PLXDC1: variants seen among roughly 807,000 people sequenced by gnomAD.
PLXDC1 encodes the protein plexin domain-containing protein 1.
In PLXDC1, 39 loss-of-function variants were observed where a neutral mutation model predicts 61.3. That is an observed-to-expected ratio of 0.64 (90% confidence interval 0.49 to 0.83). The LOEUF (loss-of-function observed/expected upper bound fraction) is 0.83. Among genes scored for constraint, PLXDC1 ranks in the 40% least tolerant of loss-of-function variants. The pLI is 0.00. For synonymous variants in PLXDC1, 212 were observed against 254.5 expected, an observed-to-expected ratio of 0.83 and a Z score of 1.59; for missense variants, 596 against 666.5, an observed-to-expected ratio of 0.89 and a Z score of 1.17.
intron 6 of PLXDC1, 78 bp downstream of exon 6, chr17:39,107,329 C>T: frequency 1.2e-6 from 1 of 854,302 alleles, no homozygotes; most frequent in Non-Finnish European, 1.9e-6. Flanking sequence ...ATGCCTGGCA[C>T]ATTGCAAATT....
chr17:39,129,688 A>AAAAGAAAGAAAGAAAGAAGGAAAG (rs1597656686), intron 2 of PLXDC1, among the ~76,000 whole-genome samples: 14 of 65,064 alleles, frequency 2.2e-4, no homozygotes, highest in South Asian at 5.6e-4. Context: ...AGGGAGAAAG[A>AAAAGAAAGAAAGAAAGAAGGAAAG]AAAGAAAGAA....
At chr17:39,134,372 T>C (rs1470585265) in intron 2 of PLXDC1, among the ~76,000 whole-genome samples, 1 of 151,564 alleles carries the variant, frequency 6.6e-6, no homozygotes, top group Non-Finnish European at 1.5e-5. Flanking sequence ...ACGTCTGTAA[T>C]CCTAGCACTT....
intron 2 of PLXDC1, among the ~76,000 whole-genome samples, chr17:39,128,641 G>C (rs535149051): frequency 6.6e-6 from 1 of 152,156 alleles, no homozygotes; most frequent in African/African-American, 2.4e-5. Context: ...CAGTCTGGCA[G>C]TTCCTCAAAA....
chr17:39,072,233 T>G, intron 12 of PLXDC1: 51 of 581,574 alleles, frequency 8.8e-5, no homozygotes, highest in East Asian at 2.3e-4. Context: ...AGGGCTGAGA[T>G]GAGAAATGTC....
At chr17:39,120,452 G>A (rs916338151) in intron 2 of PLXDC1, among the ~76,000 whole-genome samples, 7 of 152,072 alleles carry the variant, frequency 4.6e-5, no homozygotes, top group African/African-American at 1.2e-4. Context: ...CATATCACAT[G>A]ACATATCAGA....
In PLXDC1 at chr17:39,079,665, G is replaced by A. The variant is rs1245623749; in HGVS notation, c.990-501C>T. ...AGACAACTGGCTGACAAGGGTCTCC[G>A]GAGAGGGCATTGGACAGCTCAGCTG... On this transcript the variant is annotated intron_variant, in intron 9 of 13. Transcript: ENST00000315392. 82 of 422,144 alleles carry A rather than the reference G, an allele frequency of 1.9e-4. 2 individuals carry two copies. The highest frequency in any genetic ancestry group is 1.4e-3 in the South Asian group (79 of 57,074). The allele number at this position is 422,144 out of a possible 1,614,324, so 26.1% of individuals were successfully genotyped here.
chr17:39,137,426 C>T (rs533878444), intron 2 of PLXDC1: 13 of 152,212 alleles, frequency 8.5e-5, no homozygotes, highest in African/African-American at 3.1e-4. Context: ...CATAGTGGCA[C>T]ACACCTGTAA....
chr17:39,146,948 A>ATTTTTTTTTTTTTTTTTTTTTTTTT (rs869300584), intron 1 of PLXDC1, among the ~76,000 whole-genome samples: 1 of 74,686 alleles, frequency 1.3e-5, no homozygotes, highest in African/African-American at 5.2e-5. Context: ...ACAGGAAATG[A>ATTTTTTTTTTTTTTTTTTTTTTTTT]TTTTTTTTTT....
chr17:39,127,921 G>C (rs1265219562), intron 2 of PLXDC1, among the ~76,000 whole-genome samples: 4 of 122,746 alleles, frequency 3.3e-5, no homozygotes, highest in Non-Finnish European at 4.8e-5. Flanking sequence ...CAGCCTGGGT[G>C]ACAGGGTGAG....
Position 39,103,053 on chromosome 17 carries a change from A to G in PLXDC1, c.811+2801T>C, listed in dbSNP as rs7220665. ...AACATGGTGAAACCCCATCTCTACTAAAAATACAAAAATTAGCCAGGCGTG... is the reference window on the plus strand; with the variant it reads ...AACATGGTGAAACCCCATCTCTACTGAAAATACAAAAATTAGCCAGGCGTG... On this transcript the variant is annotated intron_variant, in intron 7 of 13. Transcript: ENST00000315392. 1.2e-3 allele frequency among the ~76,000 whole-genome samples: 190 copies of G among 152,254 alleles called. 2 individuals carry two copies. Among genetic ancestry groups the G allele is most frequent in the African/African-American group, 4.5e-3 (186 of 41,546 alleles).
At chr17:39,105,175 A>T (rs1910550664) in intron 7 of PLXDC1, among the ~76,000 whole-genome samples, 1 of 152,164 alleles carries the variant, frequency 6.6e-6, no homozygotes. Flanking sequence ...TCAGCAGAAG[A>T]GGTCAGGTTA....
chr17:39,128,106 T>TATATATATATATATATATAC lies in PLXDC1; in HGVS notation c.255+11547_255+11548insGTATATATATATATATATAT, dbSNP rs1567769551. Among the ~76,000 whole-genome samples the TATATATATATATATATATAC allele has an allele frequency of 9.1e-5, 9 of 98,482 alleles. 1 individual carries two copies. Among genetic ancestry groups the TATATATATATATATATATAC allele is most frequent in the South Asian group, 3.3e-4 (1 of 3,066 alleles). 64.6% of individuals were successfully genotyped at this position (98,482 alleles called of 152,430 possible). ...CTCTCTCTCTCTATGTGTATATATATATATATATGTATATATATATGTGTA... is the reference window on the plus strand; with the variant it reads ...CTCTCTCTCTCTATGTGTATATATATATATATATATATATATATACATATATATGTATATATATATGTGTA... On this transcript the variant is annotated intron_variant, in intron 2 of 13. Transcript: ENST00000315392.
rs200462942 is a variant in PLXDC1 at position 39,139,827 on chromosome 17, C to T, written c.82G>A (p.Asp28Asn). 86 of 1,600,484 alleles carry T rather than the reference C, an allele frequency of 5.4e-5. No individual in the cohort carries two copies. In the East Asian group the frequency reaches 1.0e-3, roughly 19 times the overall value. Residue 28 changes from aspartate to asparagine, a missense_variant, in exon 2 of 14, where the codon GAT becomes AAT. Transcript: ENST00000315392. The part of the protein sequence containing the change: ...ALSPQPGAGH[D>N]EGPGSGWAAK... ...GCCCATCCAGAGCCTGGGCCCTCAT[C>T]GTGACCTGGGAGAAGGGGACAGAAA...
In PLXDC1 at chr17:39,095,374, C is replaced by G. The variant is rs1178921192; in HGVS notation, c.812-7672G>C. Among the ~76,000 whole-genome samples, 6 of 12,594 alleles carry G rather than the reference C, an allele frequency of 4.8e-4. 2 individuals carry two copies. Among genetic ancestry groups the G allele is most frequent in the Non-Finnish European group, 1.3e-3 (6 of 4,476 alleles). 8.3% of individuals were successfully genotyped at this position (12,594 alleles called of 152,430 possible). A position where few individuals can be genotyped will look rare whatever the true frequency, so the allele number is the denominator to read the frequency against. On this transcript the variant is annotated intron_variant, in intron 7 of 13. Transcript: ENST00000315392. ...AAAGAATCCTTACGCCCCGCCCCCC[C>G]CCCCCAACCCCCCAAGCCTGGGTTA... is the stretch of plus-strand genomic sequence containing the variant.
chr17:39,137,331 A>G (rs779555886), intron 2 of PLXDC1: 1 of 152,204 alleles, frequency 6.6e-6, no homozygotes, highest in Non-Finnish European at 1.5e-5. Context: ...GAGGCTAGCA[A>G]ATCACTTGAA....
rs1282591557 is a variant in PLXDC1 at position 39,063,554 on chromosome 17, T to G, written c.*4286A>C. ...GCAGCCATCAGAACCAAGGTATGTG[T>G]GGTGATCTTCGGAATGCCACTCCAA... is the stretch of plus-strand genomic sequence containing the variant. On this transcript the variant is annotated 3_prime_UTR_variant, in exon 14 of 14. Coordinates refer to ENST00000315392, the MANE Select transcript of PLXDC1 (RefSeq NM_020405.5). The G allele has an allele frequency of 1.4e-6, 1 of 697,026 alleles. No individual in the cohort carries two copies. The highest frequency in any genetic ancestry group is 1.8e-5 in the African/African-American group (1 of 56,950). 43.2% of individuals were successfully genotyped at this position (697,026 alleles called of 1,614,324 possible). A position where few individuals can be genotyped will look rare whatever the true frequency, so the allele number is the denominator to read the frequency against.
intron 1 of PLXDC1, among the ~76,000 whole-genome samples, chr17:39,147,299 A>T (rs748712653): frequency 6.6e-6 from 1 of 152,074 alleles, no homozygotes; most frequent in African/African-American, 2.4e-5. Context: ...TTATTTCTTC[A>T]TGCACTCTTC....
At chr17:39,095,857 G>T (rs561099482) in intron 7 of PLXDC1, among the ~76,000 whole-genome samples, 3 of 152,176 alleles carry the variant, frequency 2.0e-5, no homozygotes, top group African/African-American at 4.8e-5. Flanking sequence ...TACAGATGGG[G>T]TTTCACCATC....
At chr17:39,146,518 A>AT (rs1305845018) in intron 1 of PLXDC1, among the ~76,000 whole-genome samples, 2 of 151,848 alleles carry the variant, frequency 1.3e-5, no homozygotes, top group Non-Finnish European at 2.9e-5. Context: ...CTCTACTAAA[A>AT]TTTTTTTTAA....
Sources: allele counts gnomAD v4.1 joint callset (sites outside exome capture counted in the v4.1 genomes callset), GRCh38; gene constraint gnomAD v4.1.1; transcripts MANE v1.5; gene names NCBI Gene and HGNC (gene_info 2026-07-23, HGNC 2026-07-21).